Variants in DLG2 observed in about 807,000 individuals in gnomAD.
DLG2 encodes the protein discs large MAGUK scaffold protein 2.
Under a neutral mutation model 132.5 loss-of-function variants are expected in DLG2, and 45 were observed. The observed-to-expected ratio is 0.34, with a 90% CI of 0.27 to 0.44. The LOEUF is 0.44. DLG2 is among the 20% of genes least tolerant of loss of function. The pLI is 1.00. For missense variants in DLG2, 1,045 were observed against 1,196.9 expected (o/e 0.87, Z 1.87); for synonymous variants, 424 against 419.6 (o/e 1.01, Z -0.13).
At chr11:84,456,071 C>T (rs902548287) in intron 7 of DLG2, among the ~76,000 whole-genome samples, 3 of 151,270 alleles carry the variant, frequency 2.0e-5, no homozygotes, top group Non-Finnish European at 4.4e-5. Context: ...GCCTTCATGT[C>T]GCTTTGCATG....
At chr11:84,759,131 G>A (rs1238103503) in intron 6 of DLG2, among the ~76,000 whole-genome samples, 1 of 152,112 alleles carries the variant, frequency 6.6e-6, no homozygotes, top group Middle Eastern at 3.2e-3. Flanking sequence ...ACCCACCTTG[G>A]CCTCCCGAAG....
At chr11:85,542,788 A>T (rs1444652853) in intron 3 of DLG2, among the ~76,000 whole-genome samples, 1 of 152,256 alleles carries the variant, frequency 6.6e-6, no homozygotes, top group African/African-American at 2.4e-5. Flanking sequence ...TGTTTCAAAA[A>T]GTAAAAGTCA....
chr11:83,544,499 C>T (rs1191031765), intron 19 of DLG2, among the ~76,000 whole-genome samples: 1 of 152,018 alleles, frequency 6.6e-6, no homozygotes, highest in South Asian at 2.1e-4. Flanking sequence ...CTGACTAACT[C>T]CAGAATATAT....
At chr11:83,527,194 T>C (rs2095629969) in intron 21 of DLG2, among the ~76,000 whole-genome samples, 1 of 152,202 alleles carries the variant, frequency 6.6e-6, no homozygotes. Context: ...GATTTAAGTT[T>C]ATGCCCAAGT....
At chr11:85,286,103 A>G (rs1438252716) in intron 3 of DLG2, 1 of 453,368 alleles carries the variant, frequency 2.2e-6, no homozygotes. Flanking sequence ...GACTTAAGTA[A>G]CTTTGAAAAT....
At chr11:85,207,827 C>G (rs924202852) in intron 4 of DLG2, among the ~76,000 whole-genome samples, 8 of 151,834 alleles carry the variant, frequency 5.3e-5, no homozygotes, top group Admixed American at 5.3e-4. Context: ...ATCTCTCCAG[C>G]CTCCTTTTTA....
Position 84,192,640 on chromosome 11 carries a change from G to A in DLG2, c.574-29129C>T, listed in dbSNP as rs542438581. Among the ~76,000 whole-genome samples, 5 of 152,246 alleles carry A rather than the reference G, an allele frequency of 3.3e-5. No individual in the cohort carries two copies. In the East Asian group the frequency reaches 9.7e-4, roughly 29 times the overall value. On this transcript the variant is annotated intron_variant, in intron 8 of 27. Transcript: ENST00000376104. ...AGCTACTCGGGAGGCTGAGGCAGAA[G>A]AATCTCTTGAACCCAGGAGGTGGAG...
chr11:85,101,537 A>T (rs553466986), intron 6 of DLG2, among the ~76,000 whole-genome samples: 14 of 152,114 alleles, frequency 9.2e-5, no homozygotes, highest in Non-Finnish European at 1.5e-4. Flanking sequence ...CTGTAAGTTG[A>T]TGTTAGAGAG....
intron 7 of DLG2, among the ~76,000 whole-genome samples, chr11:84,438,013 G>A (rs1018947986): frequency 6.6e-6 from 1 of 152,178 alleles, no homozygotes; most frequent in South Asian, 2.1e-4. Flanking sequence ...GAGCTGCCAG[G>A]CAAGGGGAGA....
intron 6 of DLG2, among the ~76,000 whole-genome samples, chr11:84,918,126 T>C (rs1371655965): frequency 6.6e-6 from 1 of 152,162 alleles, no homozygotes; most frequent in Non-Finnish European, 1.5e-5. Flanking sequence ...TTTCAATTAG[T>C]CCACTGATCA....
intron 6 of DLG2, among the ~76,000 whole-genome samples, chr11:84,689,830 C>T (rs897102318): frequency 2.6e-5 from 4 of 151,718 alleles, no homozygotes; most frequent in African/African-American, 7.3e-5. Context: ...CACAAACATG[C>T]ATGCAGACCA....
At chr11:84,716,441 G>C (rs747366388) in intron 6 of DLG2, among the ~76,000 whole-genome samples, 6 of 151,900 alleles carry the variant, frequency 3.9e-5, no homozygotes, top group African/African-American at 1.5e-4. Flanking sequence ...ACACACACAT[G>C]GACTGTGGAC....
chr11:85,584,998 T>C (rs562518578), intron 3 of DLG2, among the ~76,000 whole-genome samples: 61 of 152,258 alleles, frequency 4.0e-4, no homozygotes, highest in Non-Finnish European at 8.1e-4. Flanking sequence ...AGAAGCTTTT[T>C]AGTTTAATTA....
intron 11 of DLG2, among the ~76,000 whole-genome samples, chr11:84,010,494 G>T (rs1401421003): frequency 1.3e-5 from 2 of 151,780 alleles, no homozygotes. Context: ...TAATGACAGG[G>T]TCTTGCTATG....
chr11:85,484,520 C>T (rs2093381519), intron 3 of DLG2, among the ~76,000 whole-genome samples: 1 of 151,206 alleles, frequency 6.6e-6, no homozygotes, highest in Non-Finnish European at 1.5e-5. Flanking sequence ...AAACAAACAA[C>T]CCCATCAAAA....
intron 16 of DLG2, among the ~76,000 whole-genome samples, chr11:83,837,715 A>G (rs1414306158): frequency 7.4e-6 from 1 of 135,194 alleles, no homozygotes; most frequent in South Asian, 2.6e-4. Context: ...GTCCAAATAC[A>G]TAGCAAGCAA....
chr11:83,597,871 A>G (rs2057892545), intron 19 of DLG2, among the ~76,000 whole-genome samples: 1 of 152,250 alleles, frequency 6.6e-6, no homozygotes, highest in South Asian at 2.1e-4. Flanking sequence ...AATTGTAAGA[A>G]TATTTGACCT....
chr11:84,899,168 C>A (rs953545933), intron 6 of DLG2, among the ~76,000 whole-genome samples: 4 of 151,910 alleles, frequency 2.6e-5, no homozygotes, highest in South Asian at 4.2e-4. Context: ...AACATCAAAA[C>A]CTATGAAAAA....
chr11:83,779,345 C>T (rs1488705373), intron 18 of DLG2, among the ~76,000 whole-genome samples: 1 of 152,064 alleles, frequency 6.6e-6, no homozygotes, highest in Non-Finnish European at 1.5e-5. Context: ...TAAAAATTAA[C>T]AATAGTTGCC....
Sources: gnomAD v4.1 joint callset for allele counts (sites outside exome capture counted in the v4.1 genomes callset) on GRCh38, gnomAD v4.1.1 for gene constraint, MANE v1.5 for transcripts, NCBI Gene and HGNC (gene_info 2026-07-23, HGNC 2026-07-21) for gene names.